ZNF469: variants seen among roughly 807,000 people sequenced by gnomAD.
ZNF469 encodes zinc finger protein 469.
In ZNF469, 1 loss-of-function variant was observed where a neutral mutation model predicts 1.0. The observed-to-expected ratio is 1.00, with a 90% confidence interval of 0.35 to 4.73. ZNF469 has a LOEUF of 4.73. Among genes scored for constraint, ZNF469 ranks in the 30% most tolerant of loss-of-function variants. ZNF469 has a pLI of 0.16. For missense variants in ZNF469, 6,100 were observed against 5,356.3 expected (o/e 1.14, Z -4.33); for synonymous variants, 2,703 against 2,363.4 (o/e 1.14, Z -4.17).
At chr16:88,290,701 G>T in the ZNF469 span, among the ~76,000 whole-genome samples, 13 of 152,334 alleles carry the variant, frequency 8.5e-5, no homozygotes, top group Middle Eastern at 3.4e-3. Context: ...CAGAAGCTCT[G>T]CCCAATCTGG....
the ZNF469 span, among the ~76,000 whole-genome samples, chr16:88,115,863 T>C: frequency 6.6e-6 from 1 of 152,228 alleles, no homozygotes; most frequent in East Asian, 1.9e-4. Context: ...ATTCCTGGGC[T>C]TGTGGCCACA....
the ZNF469 span, among the ~76,000 whole-genome samples, chr16:88,101,544 C>CA: frequency 2.1e-5 from 3 of 144,020 alleles, no homozygotes; most frequent in Non-Finnish European, 4.5e-5. Flanking sequence ...TCTCATTACG[C>CA]TTTTTTTTTT....
the ZNF469 span, among the ~76,000 whole-genome samples, chr16:88,215,383 A>ATTTTCTT: frequency 2.1e-5 from 2 of 94,188 alleles, no homozygotes; most frequent in African/African-American, 8.8e-5. Context: ...TTGCCTTTTA[A>ATTTTCTT]TTTTTTTTTT....
chr16:88,267,119 C>T, the ZNF469 span, among the ~76,000 whole-genome samples: 3 of 152,210 alleles, frequency 2.0e-5, no homozygotes, highest in African/African-American at 7.2e-5. Flanking sequence ...GCGGCTCACA[C>T]TGGCTGGCGG....
At chr16:88,417,133 C>G (rs559389493) in intron 1 of ZNF469, among the ~76,000 whole-genome samples, 1 of 152,194 alleles carries the variant, frequency 6.6e-6, no homozygotes, top group African/African-American at 2.4e-5. Flanking sequence ...GGGCCTCCCC[C>G]AGGAGGCCGA....
chr16:88,306,868 T>C, the ZNF469 span, among the ~76,000 whole-genome samples: 1 of 152,252 alleles, frequency 6.6e-6, no homozygotes, highest in African/African-American at 2.4e-5. Context: ...TCATATACCA[T>C]AAAAGTCATT....
chr16:88,274,024 C>T, the ZNF469 span, among the ~76,000 whole-genome samples: 7 of 152,102 alleles, frequency 4.6e-5, no homozygotes, highest in East Asian at 5.8e-4. Flanking sequence ...ATGATGGTCT[C>T]GATCTCCTGA....
chr16:88,434,070 A>G lies in ZNF469; in HGVS notation c.6600A>G (p.Thr2200=). The change falls in exon 3 of 3, where the codon ACA becomes ACG. Residue 2200 remains threonine, a synonymous_variant. Transcript: ENST00000565624. ...EDSPVAPPSL[T]TSPCDPKEAL... is the part of the protein sequence containing the mutation. ...CCCCGGTGGCTCCCCCGTCTTTGAC[A>G]ACAAGCCCCTGCGATCCCAAGGAAG... 1.3e-6 allele frequency: 2 copies of G among 1,550,362 alleles called. No homozygotes were observed. The highest frequency in any genetic ancestry group is 1.7e-6 in the Non-Finnish European group (2 of 1,146,934).
the ZNF469 span, among the ~76,000 whole-genome samples, chr16:88,190,162 C>G: frequency 6.6e-6 from 1 of 152,186 alleles, no homozygotes; most frequent in Non-Finnish European, 1.5e-5. Flanking sequence ...TCTGGCTACA[C>G]GAGGCCAAAA....
At chr16:88,289,287 G>A in the ZNF469 span, among the ~76,000 whole-genome samples, 1 of 150,092 alleles carries the variant, frequency 6.7e-6, no homozygotes, top group South Asian at 2.1e-4. Context: ...GGGTGATGGT[G>A]ATGATGATGG....
intron 1 of ZNF469, among the ~76,000 whole-genome samples, chr16:88,411,428 T>C (rs749225185): frequency 4.6e-4 from 62 of 134,278 alleles, no homozygotes; most frequent in Non-Finnish European, 8.4e-4. Flanking sequence ...ATGCTTGGGC[T>C]CAGGCAGGCA....
chr16:88,378,741 G>C (rs1000939560), upstream of ZNF469, among the ~76,000 whole-genome samples: 4 of 152,180 alleles, frequency 2.6e-5, no homozygotes, highest in Non-Finnish European at 5.9e-5. Context: ...TTTGGGATGG[G>C]CTCTTTGCAT....
the ZNF469 span, among the ~76,000 whole-genome samples, chr16:88,303,135 GC>G: frequency 6.6e-5 from 10 of 152,190 alleles, no homozygotes; most frequent in African/African-American, 2.2e-4. Context: ...TGAGCTCTGG[GC>G]CTGATAGGAA....
At chr16:88,139,984 G>C in the ZNF469 span, among the ~76,000 whole-genome samples, 1 of 152,190 alleles carries the variant, frequency 6.6e-6, no homozygotes, top group Non-Finnish European at 1.5e-5. Context: ...TACCGAGTTT[G>C]AGCTCCAATA....
At chr16:88,304,116 G>A in the ZNF469 span, among the ~76,000 whole-genome samples, 2 of 152,228 alleles carry the variant, frequency 1.3e-5, no homozygotes, top group Non-Finnish European at 2.9e-5. Context: ...GCTGGCCTTT[G>A]CAAGCAGTTT....
intron 1 of ZNF469, among the ~76,000 whole-genome samples, chr16:88,396,913 A>AGGCCGGGAGGAGACCCTCATGAAGGTT (rs1904693359): frequency 2.0e-5 from 3 of 148,724 alleles, no homozygotes; most frequent in African/African-American, 7.5e-5. Context: ...TCATGAAGGG[A>AGGCCGGGAGGAGACCCTCATGAAGGTT]GGCCGGGAGG....
At chr16:88,425,495 G>C (rs980049807) in intron 2 of ZNF469, among the ~76,000 whole-genome samples, 2 of 151,580 alleles carry the variant, frequency 1.3e-5, no homozygotes, top group Admixed American at 6.5e-5. Context: ...CAGGAGATGT[G>C]CAGGGCTAGG....
the ZNF469 span, among the ~76,000 whole-genome samples, chr16:88,337,290 A>G: frequency 6.6e-6 from 1 of 152,168 alleles, no homozygotes; most frequent in Non-Finnish European, 1.5e-5. Context: ...ATGACAGTGA[A>G]TAAGTCTCAT....
chr16:88,404,091 T>G (rs892469710), intron 1 of ZNF469, among the ~76,000 whole-genome samples: 11 of 152,172 alleles, frequency 7.2e-5, no homozygotes, highest in Admixed American at 5.2e-4. Context: ...AAACAGTGAT[T>G]GTTGTTTTGC....
Sources: gnomAD v4.1 joint callset for allele counts (sites outside exome capture counted in the v4.1 genomes callset) on GRCh38, gnomAD v4.1.1 for gene constraint, MANE v1.5 for transcripts, NCBI Gene and HGNC (gene_info 2026-07-23, HGNC 2026-07-21) for gene names.